Variants in GALNTL6 observed in about 807,000 individuals in gnomAD.
The protein encoded by GALNTL6 is polypeptide N-acetylgalactosaminyltransferase-like 6.
Under a neutral mutation model 73.7 loss-of-function variants are expected in GALNTL6, and 46 were observed. That is an observed-to-expected ratio of 0.62 (90% CI 0.49 to 0.80). The LOEUF (loss-of-function observed/expected upper bound fraction) is 0.80. Ranked by LOEUF, GALNTL6 falls within the 30% of genes least tolerant of loss-of-function variation. The probability of loss-of-function intolerance (pLI) is 0.00; values close to 1 mark genes in which losing one functional copy is unlikely to be tolerated. For synonymous variants in GALNTL6, 259 were observed against 263.7 expected (o/e 0.98, Z 0.17); for missense variants, 604 against 755.0 (o/e 0.80, Z 2.34).
At position 172,167,267 on chromosome 4, in the gene GALNTL6, C is replaced by T. The variant is rs538215884; in HGVS notation, c.139-62389C>T. Among the ~76,000 whole-genome samples the T allele has an allele frequency of 1.2e-4, 18 of 152,216 alleles. No individual in the cohort carries two copies. The South Asian group carries it at 3.1e-3, about 26-fold the overall frequency. ...CATTAAGAAAGACTATTTTTAGGTA[C>T]GGGGACCCATTAGCTGTTGGTTGTC... On this transcript the variant is annotated intron_variant, in intron 2 of 12. Transcript: ENST00000506823.
intron 5 of GALNTL6, among the ~76,000 whole-genome samples, chr4:172,732,256 T>C (rs1736192974): frequency 6.6e-6 from 1 of 152,236 alleles, no homozygotes; most frequent in South Asian, 2.1e-4. Context: ...TATATCCTCT[T>C]ATTGAATTGG....
intron 2 of GALNTL6, among the ~76,000 whole-genome samples, chr4:172,109,913 A>G (rs565099965): frequency 6.3e-4 from 96 of 152,366 alleles, no homozygotes; most frequent in African/African-American, 2.2e-3. Flanking sequence ...AAATGCTTAT[A>G]AGTATGTAAT....
intron 5 of GALNTL6, among the ~76,000 whole-genome samples, chr4:172,650,389 T>C (rs1317904310): frequency 2.6e-5 from 4 of 152,224 alleles, no homozygotes; most frequent in Middle Eastern, 3.4e-3. Flanking sequence ...TAAAAAAGCA[T>C]AACAGAAGAG....
chr4:172,428,746 A>C (rs1731318477), intron 5 of GALNTL6, among the ~76,000 whole-genome samples: 1 of 152,218 alleles, frequency 6.6e-6, no homozygotes, highest in African/African-American at 2.4e-5. Flanking sequence ...AGAACCAAAG[A>C]ATCAAAATTC....
chr4:171,868,802 C>T (rs771443922), intron 2 of GALNTL6, among the ~76,000 whole-genome samples: 1 of 152,140 alleles, frequency 6.6e-6, no homozygotes, highest in African/African-American at 2.4e-5. Context: ...CTGCTTCAGC[C>T]TCCTGAGTAG....
intron 2 of GALNTL6, among the ~76,000 whole-genome samples, chr4:171,985,004 A>G (rs1360746042): frequency 8.5e-5 from 13 of 152,098 alleles, no homozygotes; most frequent in African/African-American, 3.1e-4. Context: ...ACAAAAAAAA[A>G]AAAGAAAAGA....
intron 5 of GALNTL6, among the ~76,000 whole-genome samples, chr4:172,709,633 C>A (rs553212914): frequency 7.4e-4 from 112 of 152,220 alleles, no homozygotes; most frequent in Non-Finnish European, 3.4e-4. Context: ...AGACAGCTCC[C>A]CTGCCTACCT....
chr4:172,671,063 T>A (rs991495572), intron 5 of GALNTL6, among the ~76,000 whole-genome samples: 3 of 151,316 alleles, frequency 2.0e-5, no homozygotes, highest in Non-Finnish European at 4.4e-5. Flanking sequence ...CCCTGTAGTA[T>A]GGTTTGAAGT....
intron 2 of GALNTL6, among the ~76,000 whole-genome samples, chr4:171,868,205 T>C (rs186980202): frequency 6.6e-6 from 1 of 152,024 alleles, no homozygotes; most frequent in African/African-American, 2.4e-5. Flanking sequence ...CCCAGGCTGG[T>C]CTCGAACTAC....
At chr4:172,378,954 T>C (rs891107194) in intron 5 of GALNTL6, among the ~76,000 whole-genome samples, 1 of 152,240 alleles carries the variant, frequency 6.6e-6, no homozygotes, top group Admixed American at 6.5e-5. Context: ...AGATATATAT[T>C]ATTCTGGTAG....
At chr4:172,903,781 G>A (rs1184151122) in intron 8 of GALNTL6, among the ~76,000 whole-genome samples, 1 of 152,094 alleles carries the variant, frequency 6.6e-6, no homozygotes, top group Non-Finnish European at 1.5e-5. Context: ...AATCCTTTCG[G>A]GGGTTTGTTG....
chr4:172,658,624 A>G (rs1463969786), intron 5 of GALNTL6, among the ~76,000 whole-genome samples: 1 of 152,146 alleles, frequency 6.6e-6, no homozygotes, highest in East Asian at 1.9e-4. Context: ...CCCCGATGAT[A>G]TTAGGAAGCA....
At chr4:172,081,377 C>T (rs1042023007) in intron 2 of GALNTL6, among the ~76,000 whole-genome samples, 17 of 152,182 alleles carry the variant, frequency 1.1e-4, no homozygotes, top group Admixed American at 7.2e-4. Context: ...TGGTGGCTCA[C>T]GCCTAGAATC....
At chr4:172,853,861 T>C (rs1025046452) in intron 7 of GALNTL6, among the ~76,000 whole-genome samples, 2 of 152,178 alleles carry the variant, frequency 1.3e-5, no homozygotes, top group Admixed American at 6.6e-5. Context: ...GGCAAAGTAA[T>C]TTAGACTCTT....
At chr4:172,678,253 A>G (rs1732421354) in intron 5 of GALNTL6, among the ~76,000 whole-genome samples, 1 of 152,202 alleles carries the variant, frequency 6.6e-6, no homozygotes, top group African/African-American at 2.4e-5. Context: ...AAGCTGTGTG[A>G]AGGCAGAGGA....
At position 172,581,602 on chromosome 4, in the gene GALNTL6, C is replaced by T. The variant is rs566637808; in HGVS notation, c.554-227759C>T. On this transcript the variant is annotated intron_variant, in intron 5 of 12. Transcript: ENST00000506823. ...TCTTTTCAGATTTGTATATCTCCTT[C>T]CTGGACCCAACCACATGTCACCCAA... 7.2e-5 allele frequency among the ~76,000 whole-genome samples: 11 copies of T among 152,328 alleles called. No homozygotes were observed. In the South Asian group the frequency reaches 2.3e-3, roughly 32 times the overall value.
At chr4:172,257,321 T>C (rs1195341203) in intron 3 of GALNTL6, among the ~76,000 whole-genome samples, 1 of 151,282 alleles carries the variant, frequency 6.6e-6, no homozygotes, top group Non-Finnish European at 1.5e-5. Context: ...GATTGAAAAA[T>C]CTACGGTCCT....
At chr4:172,952,577 G>A (rs1465394433) in intron 10 of GALNTL6, among the ~76,000 whole-genome samples, 2 of 151,522 alleles carry the variant, frequency 1.3e-5, no homozygotes, top group African/African-American at 4.9e-5. Flanking sequence ...ATGCAATGGC[G>A]TGATCTTGGC....
chr4:172,843,032 C>A (rs1484312854), intron 7 of GALNTL6, among the ~76,000 whole-genome samples: 1 of 152,124 alleles, frequency 6.6e-6, no homozygotes, highest in African/African-American at 2.4e-5. Context: ...TTGTTCCCAG[C>A]AGTGAAAGGC....
Sources: allele counts gnomAD v4.1 joint callset (sites outside exome capture counted in the v4.1 genomes callset), GRCh38; gene constraint gnomAD v4.1.1; transcripts MANE v1.5; gene names NCBI Gene and HGNC (gene_info 2026-07-23, HGNC 2026-07-21).